Variants in HIVEP1 observed in about 807,000 individuals in gnomAD.
The protein encoded by HIVEP1 is HIVEP zinc finger 1.
Under a neutral mutation model 180.0 loss-of-function variants are expected in HIVEP1, and 36 were observed. The ratio of observed to expected loss-of-function variants is 0.20; its 90% CI spans 0.15 to 0.26. HIVEP1 has a LOEUF of 0.26. Ranked by LOEUF, HIVEP1 falls within the 10% of genes least tolerant of loss-of-function variation. HIVEP1 has a pLI of 1.00. For missense variants in HIVEP1, 3,143 were observed against 3,268.7 expected (o/e 0.96, Z 0.94); for synonymous variants, 1,239 against 1,239.0 (o/e 1.00, Z 0.00).
the HIVEP1 span, among the ~76,000 whole-genome samples, chr6:12,198,425 G>A: frequency 6.6e-6 from 1 of 152,194 alleles, no homozygotes; most frequent in Non-Finnish European, 1.5e-5. Flanking sequence ...GATGCAAAGA[G>A]AACATATAAG....
chr6:12,203,989 A>T, the HIVEP1 span, among the ~76,000 whole-genome samples: 10 of 152,154 alleles, frequency 6.6e-5, no homozygotes, highest in African/African-American at 2.2e-4. Context: ...AGGCAGGAGA[A>T]TCACTTGAAC....
intron 2 of HIVEP1, among the ~76,000 whole-genome samples, chr6:12,087,823 AT>A (rs1166306751): frequency 6.6e-6 from 1 of 152,176 alleles, no homozygotes; most frequent in Non-Finnish European, 1.5e-5. Context: ...AAATTGTCTT[AT>A]TCCAAAGATT....
chr6:12,025,805 C>T (rs12190793), intron 2 of HIVEP1, among the ~76,000 whole-genome samples: 29 of 152,224 alleles, frequency 1.9e-4, no homozygotes, highest in Non-Finnish European at 3.5e-4. Flanking sequence ...TTTGGGAGGC[C>T]GAAGCAGGTG....
At chr6:12,189,588 C>T in the HIVEP1 span, among the ~76,000 whole-genome samples, 3 of 152,028 alleles carry the variant, frequency 2.0e-5, no homozygotes, top group East Asian at 5.8e-4. Flanking sequence ...ATCCATTTTC[C>T]ACGAACGATT....
chr6:12,135,848 G>T lies in HIVEP1; in HGVS notation c.6443G>T (p.Gly2148Val). The T allele has an allele frequency of 6.2e-7, 1 of 1,612,664 alleles. No homozygotes were observed. The change falls in exon 7 of 9, where the codon GGC (glycine) becomes GTC (valine). Residue 2148 changes from glycine to valine, a missense_variant. By Grantham distance (109) the Gly-to-Val change is moderately radical (BLOSUM62 -3). Transcript: ENST00000379388. Reference sequence around the variant, plus strand: ...CATAGCAAGAAATGTGTGGATTTAGGCGTCTCAGTAGGTTTAATAGATGAA... The same window carrying T: ...CATAGCAAGAAATGTGTGGATTTAGTCGTCTCAGTAGGTTTAATAGATGAA... ...KAHSKKCVDL[G>V]VSVGLIDEQD...
chr6:12,124,292 C>G lies in HIVEP1; in HGVS notation c.4497C>G (p.Ser1499Arg), dbSNP rs1180132007. The part of the protein sequence containing the change: ...KDLQAETSNS[S>R]STNVFPVQQL... ...TGCAGGCAGAAACATCAAACTCCAG[C>G]TCTACCAACGTTTTTCCTGTTCAAC... Residue 1499 changes from serine to arginine, a missense_variant, in exon 4 of 9, where the codon AGC (serine) becomes AGG (arginine). By Grantham distance (110) the Ser-to-Arg change is moderately radical. Coordinates refer to ENST00000379388, the MANE Select transcript of HIVEP1 (RefSeq NM_002114.4). The G allele has an allele frequency of 1.2e-6, 2 of 1,613,984 alleles. No homozygotes were observed. Among genetic ancestry groups the G allele is most frequent in the Non-Finnish European group, 1.7e-6 (2 of 1,180,024 alleles).
At chr6:12,114,712 G>C (rs1730551600) in intron 3 of HIVEP1, among the ~76,000 whole-genome samples, 1 of 152,154 alleles carries the variant, frequency 6.6e-6, no homozygotes, top group South Asian at 2.1e-4. Context: ...GTTATGTTAA[G>C]TGGCTGTGCC....
In HIVEP1 at chr6:12,123,986, G is replaced by C. The variant is rs376929653; in HGVS notation, c.4191G>C (p.Gln1397His). ...SFDCGSITPPQTTPLTELQPP... is the reference protein window; with the variant it reads ...SFDCGSITPPHTTPLTELQPP... The stretch of plus-strand genomic sequence containing the variant: ...ATTGTGGAAGCATCACCCCACCCCA[G>C]ACAACACCACTTACTGAATTGCAGC... Residue 1397 changes from glutamine (Q) to histidine (H), a missense_variant, in exon 4 of 9, where the codon CAG (glutamine) becomes CAC (histidine). By Grantham distance (24) the Gln-to-His change is conservative. This residue lies in a region of HIVEP1 where 1,357 missense variants were observed against 1,260.5 expected (regional missense o/e 1.08). Transcript: ENST00000379388. 2 of 1,613,946 alleles carry C rather than the reference G, an allele frequency of 1.2e-6. No homozygotes were observed. Among genetic ancestry groups the C allele is most frequent in the African/African-American group, 2.7e-5 (2 of 74,874 alleles).
At chr6:12,019,935 A>G (rs1035510122) in intron 2 of HIVEP1, among the ~76,000 whole-genome samples, 11 of 152,224 alleles carry the variant, frequency 7.2e-5, no homozygotes, top group African/African-American at 9.6e-5. Flanking sequence ...AAAATGTGCA[A>G]TACCGGAATC....
chr6:12,008,422 GC>G (rs2113528694), upstream of HIVEP1: 1 of 152,310 alleles, frequency 6.6e-6, no homozygotes, highest in African/African-American at 2.4e-5. Context: ...AATGTAGGAG[GC>G]CTCCCGCTGT....
At chr6:12,009,235 G>C (rs953757970), upstream of HIVEP1, among the ~76,000 whole-genome samples, 2 of 149,906 alleles carry the variant, frequency 1.3e-5, no homozygotes, top group African/African-American at 4.9e-5. Context: ...GGCCGCGTGG[G>C]AACCCGAGCC....
At position 12,161,845 on chromosome 6, in the gene HIVEP1, G is replaced by T; in HGVS notation, c.6894G>T (p.Pro2298=). Residue 2298 remains proline, a synonymous_variant, in exon 8 of 9, where the codon CCG becomes CCT. Transcript: ENST00000379388. ...CGTCTGTAGACACTTCCAGGTCCCC[G>T]TGTCATCAGATGTCTGTGGACTACC... The part of the protein sequence containing the change: ...TIPSVDTSRS[P]CHQMSVDYPE... 6.2e-7 allele frequency: 1 copy of T among 1,614,098 alleles called. No homozygotes were observed.
In HIVEP1 at chr6:12,121,594, A is replaced by G. The variant is rs755703099; in HGVS notation, c.1799A>G (p.Asn600Ser). ...AQKQKDLQVT[N>S]VQPLSANMSQ... is the part of the protein sequence containing the mutation. ...AAGCAGAAGGACCTTCAGGTGACAA[A>G]CGTACAGCCACTTTCAGCCAACATG... The change falls in exon 4 of 9, where the codon AAC becomes AGC. Residue 600 changes from asparagine to serine, a missense_variant. Coordinates refer to ENST00000379388, the MANE Select transcript of HIVEP1 (RefSeq NM_002114.4). This position sits in a 1 kb window ranked among gnomAD's most constrained non-coding sequence, Gnocchi z 5.3. 6.2e-7 allele frequency: 1 copy of G among 1,614,156 alleles called. No individual in the cohort carries two copies.
In HIVEP1 at chr6:12,123,789, GCT is replaced by G. The variant is rs1347937540; in HGVS notation, c.3995_3996del (p.Ala1332ValfsTer9). 1 of 1,614,124 alleles carries G rather than the reference GCT, an allele frequency of 6.2e-7. No individual in the cohort carries two copies. Among genetic ancestry groups the G allele is most frequent in the Non-Finnish European group, 8.5e-7 (1 of 1,180,032 alleles). On this transcript the variant is annotated frameshift_variant, in exon 4 of 9. Transcript: ENST00000379388. LOFTEE classifies it high-confidence loss of function. ...CATAGAGGACGTTTCTAAAACGGAG[GCT>G]TCCCCCAAAATCGATTTTCTAAATA... Reference protein sequence around the residue: ...LDIEDVSKTEASPKIDFLNKA... With the variant: ...LDIEDVSKTEXSPKIDFLNKA...
At chr6:12,033,024 C>T (rs1008374035) in intron 2 of HIVEP1, among the ~76,000 whole-genome samples, 50 of 152,150 alleles carry the variant, frequency 3.3e-4, no homozygotes, top group African/African-American at 9.7e-4. Flanking sequence ...CATATGTAGA[C>T]GGTCCCTGAC....
At chr6:12,084,211 A>G (rs1168949986) in intron 2 of HIVEP1, among the ~76,000 whole-genome samples, 1 of 152,110 alleles carries the variant, frequency 6.6e-6, no homozygotes, top group African/African-American at 2.4e-5. Context: ...GTGTTTTTCT[A>G]CGATTTTACT....
intron 3 of HIVEP1, among the ~76,000 whole-genome samples, chr6:12,103,033 A>G (rs1172365813): frequency 6.6e-6 from 1 of 152,038 alleles, no homozygotes; most frequent in Non-Finnish European, 1.5e-5. Context: ...GAGTTTTTTT[A>G]TGAGAAGGGT....
At chr6:12,185,797 T>C in the HIVEP1 span, among the ~76,000 whole-genome samples, 1 of 152,164 alleles carries the variant, frequency 6.6e-6, no homozygotes, top group Non-Finnish European at 1.5e-5. Flanking sequence ...GAATACCAAG[T>C]GTTGGCAAGG....
chr6:12,103,643 G>A (rs1447004786), intron 3 of HIVEP1, among the ~76,000 whole-genome samples: 1 of 151,670 alleles, frequency 6.6e-6, no homozygotes, highest in Non-Finnish European at 1.5e-5. Flanking sequence ...TTTAATATAC[G>A]TTACTTGAAA....
Sources: gnomAD v4.1 joint callset for allele counts (sites outside exome capture counted in the v4.1 genomes callset) on GRCh38, gnomAD v4.1.1 for gene constraint, gnomAD v4.1.1 regional missense constraint, Gnocchi (gnomAD v3.1) non-coding constraint, MANE v1.5 for transcripts, NCBI Gene and HGNC (gene_info 2026-07-23, HGNC 2026-07-21) for gene names.